GALNT13: variants seen among roughly 807,000 people sequenced by gnomAD.
GALNT13 encodes polypeptide N-acetylgalactosaminyltransferase 13.
A neutral mutation model predicts 64.2 loss-of-function variants in GALNT13; 28 were observed. That is an observed-to-expected ratio of 0.44 (90% confidence interval 0.32 to 0.60). GALNT13 has a LOEUF of 0.60. Among genes scored for constraint, GALNT13 ranks in the 20% least tolerant of loss-of-function variants. The pLI, the probability that GALNT13 is intolerant of heterozygous loss-of-function variation, is 0.05. For missense variants in GALNT13, 577 were observed against 669.8 expected (o/e 0.86, Z 1.53); for synonymous variants, 214 against 224.6 (o/e 0.95, Z 0.42).
chr2:154,341,219 G>A (rs1695751811), intron 9 of GALNT13, among the ~76,000 whole-genome samples: 1 of 151,982 alleles, frequency 6.6e-6, no homozygotes, highest in Admixed American at 6.6e-5. Context: ...ATGAAAAGGT[G>A]TTCACTTACC....
chr2:153,976,954 A>G (rs1694114208), intron 3 of GALNT13, among the ~76,000 whole-genome samples: 1 of 152,176 alleles, frequency 6.6e-6, no homozygotes, highest in Non-Finnish European at 1.5e-5. Flanking sequence ...CACTTGCACT[A>G]TACCTCCTCT....
At chr2:153,830,221 C>T in the GALNT13 span, among the ~76,000 whole-genome samples, 65,393 of 151,810 alleles carry the variant, frequency 0.43, 15,107 homozygotes, top group Admixed American at 0.59. Flanking sequence ...TCAAAATCTG[C>T]GTAATATTTC....
chr2:153,850,364 G>C, the GALNT13 span, among the ~76,000 whole-genome samples: 1 of 152,050 alleles, frequency 6.6e-6, no homozygotes, highest in Non-Finnish European at 1.5e-5. Flanking sequence ...AATAAAGACT[G>C]ATTTGTTCCT....
intron 1 of GALNT13, among the ~76,000 whole-genome samples, chr2:153,873,583 G>A (rs1686144505): frequency 6.6e-6 from 1 of 152,204 alleles, no homozygotes; most frequent in Admixed American, 6.5e-5. Context: ...GCAGAGGAGA[G>A]GAGCTTTGGG....
At chr2:153,328,460 C>T in the GALNT13 span, among the ~76,000 whole-genome samples, 1 of 152,182 alleles carries the variant, frequency 6.6e-6, no homozygotes, top group African/African-American at 2.4e-5. Context: ...ATCTATAAGC[C>T]CCTGACTGGG....
At chr2:153,340,934 G>A in the GALNT13 span, among the ~76,000 whole-genome samples, 1 of 152,172 alleles carries the variant, frequency 6.6e-6, no homozygotes, top group South Asian at 2.1e-4. Flanking sequence ...ATCCAGGTAT[G>A]ACTAGTTAGA....
chr2:153,629,479 C>T, the GALNT13 span, among the ~76,000 whole-genome samples: 9 of 152,146 alleles, frequency 5.9e-5, no homozygotes, highest in East Asian at 1.7e-3. Flanking sequence ...CTTCCTTACA[C>T]CTTATACAAA....
At chr2:153,747,345 A>AC in the GALNT13 span, among the ~76,000 whole-genome samples, 12 of 116,226 alleles carry the variant, frequency 1.0e-4, no homozygotes, top group African/African-American at 4.1e-4. Flanking sequence ...CCCACATCCC[A>AC]CCCCCTGAAA....
chr2:154,446,871 CT>C, intron 12 of GALNT13: 1 of 1,144,646 alleles, frequency 8.7e-7, no homozygotes, highest in East Asian at 2.7e-5. Flanking sequence ...TTTGTATGAC[CT>C]TTTCTCCATG....
At chr2:153,770,380 T>C in the GALNT13 span, among the ~76,000 whole-genome samples, 1 of 152,194 alleles carries the variant, frequency 6.6e-6, no homozygotes, top group African/African-American at 2.4e-5. Flanking sequence ...AGCCCTTTCA[T>C]AGTGCCTTTT....
rs114388015 is a variant in GALNT13 at position 154,347,827 on chromosome 2, G to T, written c.1156+46238G>T. Among the ~76,000 whole-genome samples the T allele has an allele frequency of 4.0e-3, 604 of 152,200 alleles. 5 individuals are homozygous for T. Among genetic ancestry groups the T allele is most frequent in the African/African-American group, 0.013 (552 of 41,544 alleles). ...CATGGTAAGAAACTGATGCTATGAGGGACTAAGTAACATTCTAAGATCATA... is the reference window on the plus strand; with the variant it reads ...CATGGTAAGAAACTGATGCTATGAGTGACTAAGTAACATTCTAAGATCATA... On this transcript the variant is annotated intron_variant, in intron 9 of 12. Coordinates refer to ENST00000392825, the MANE Select transcript of GALNT13 (RefSeq NM_052917.4).
intron 3 of GALNT13, among the ~76,000 whole-genome samples, chr2:153,976,705 C>A (rs769493220): frequency 6.6e-6 from 1 of 151,784 alleles, no homozygotes; most frequent in Non-Finnish European, 1.5e-5. Context: ...TTTTGTCAAT[C>A]GATTATGTTG....
the GALNT13 span, among the ~76,000 whole-genome samples, chr2:153,485,769 G>T: frequency 1.3e-5 from 2 of 152,048 alleles, no homozygotes; most frequent in Non-Finnish European, 2.9e-5. Flanking sequence ...GCATGGTGGT[G>T]CATGCCTATA....
the GALNT13 span, among the ~76,000 whole-genome samples, chr2:153,133,358 G>A: frequency 6.6e-6 from 1 of 152,138 alleles, no homozygotes; most frequent in Non-Finnish European, 1.5e-5. Flanking sequence ...GATGGGGTGG[G>A]CTTCAGGAAG....
At chr2:153,830,173 T>G in the GALNT13 span, among the ~76,000 whole-genome samples, 1 of 142,972 alleles carries the variant, frequency 7.0e-6, no homozygotes, top group Non-Finnish European at 1.6e-5. Context: ...TTGAAAAGTT[T>G]CCAAGTTTGT....
chr2:153,574,655 A>C, the GALNT13 span, among the ~76,000 whole-genome samples: 1 of 151,532 alleles, frequency 6.6e-6, no homozygotes, highest in East Asian at 1.9e-4. Context: ...ATTCTTCAGT[A>C]TGCCAATTGC....
At chr2:153,276,849 GC>G in the GALNT13 span, among the ~76,000 whole-genome samples, 1 of 151,964 alleles carries the variant, frequency 6.6e-6, no homozygotes, top group Non-Finnish European at 1.5e-5. Flanking sequence ...ATATAGCTTG[GC>G]TTCTAGTGCA....
chr2:154,159,289 C>T (rs1684600506), intron 4 of GALNT13, among the ~76,000 whole-genome samples: 1 of 152,000 alleles, frequency 6.6e-6, no homozygotes, highest in Non-Finnish European at 1.5e-5. Context: ...CACATGCCAC[C>T]ATGCCAGGCT....
At chr2:154,323,952 A>G (rs967525909) in intron 9 of GALNT13, among the ~76,000 whole-genome samples, 3 of 152,110 alleles carry the variant, frequency 2.0e-5, no homozygotes, top group Non-Finnish European at 4.4e-5. Context: ...AACTTTGTCC[A>G]TGGTGTTTAT....
Sources: allele counts gnomAD v4.1 joint callset (sites outside exome capture counted in the v4.1 genomes callset), GRCh38; gene constraint gnomAD v4.1.1; transcripts MANE v1.5; gene names NCBI Gene and HGNC (gene_info 2026-07-23, HGNC 2026-07-21).